C12orf42: variants seen among roughly 807,000 people sequenced by gnomAD.
C12orf42 encodes chromosome 12 open reading frame 42.
C12orf42 carries 25 observed loss-of-function variants against 21.6 expected under a neutral mutation model. The observed-to-expected ratio is 1.16, with a 90% CI of 0.84 to 1.62. The LOEUF is 1.62. Ranked by LOEUF, C12orf42 falls within the 40% of genes most tolerant of loss-of-function variation. C12orf42 has a pLI of 0.00. For missense variants in C12orf42, 483 were observed against 459.3 expected, an observed-to-expected ratio of 1.05 and a Z score of -0.47; for synonymous variants, 174 against 175.0, an observed-to-expected ratio of 0.99 and a Z score of 0.05.
intron 2 of C12orf42, among the ~76,000 whole-genome samples, chr12:103,407,700 T>G (rs1011960892): frequency 6.6e-6 from 1 of 152,162 alleles, no homozygotes; most frequent in Non-Finnish European, 1.5e-5. Flanking sequence ...CATGGATTTC[T>G]TATTGCACAG....
the C12orf42 span, among the ~76,000 whole-genome samples, chr12:103,054,769 A>G: frequency 6.6e-6 from 1 of 151,830 alleles, no homozygotes; most frequent in African/African-American, 2.4e-5. Context: ...TATCTTTCTG[A>G]GAGTTTTTAT....
the C12orf42 span, among the ~76,000 whole-genome samples, chr12:103,166,457 T>A: frequency 2.0e-5 from 3 of 152,216 alleles, no homozygotes; most frequent in East Asian, 5.8e-4. Context: ...TCAAAACAAG[T>A]TAATGATGTA....
At chr12:103,554,459 G>A in the C12orf42 span, among the ~76,000 whole-genome samples, 15 of 152,246 alleles carry the variant, frequency 9.9e-5, no homozygotes, top group African/African-American at 3.6e-4. Context: ...CTCCCAGTTT[G>A]AGTTCTCCAG....
chr12:103,281,201 G>A (rs2036091625), intron 4 of C12orf42, among the ~76,000 whole-genome samples: 1 of 152,228 alleles, frequency 6.6e-6, no homozygotes, highest in Non-Finnish European at 1.5e-5. Context: ...TATTTGGGAA[G>A]AGAATTGAGA....
chr12:103,301,843 G>C, downstream of C12orf42: 1 of 382,026 alleles, frequency 2.6e-6, no homozygotes, highest in African/African-American at 2.1e-5. Flanking sequence ...AGTGGCACGC[G>C]ATGTACCCCA....
At chr12:103,194,194 A>C in the C12orf42 span, among the ~76,000 whole-genome samples, 1 of 152,124 alleles carries the variant, frequency 6.6e-6, no homozygotes, top group Non-Finnish European at 1.5e-5. Flanking sequence ...TAAAGGCTAT[A>C]TATGAAAAAC....
chr12:103,229,019 G>T, the C12orf42 span, among the ~76,000 whole-genome samples: 49 of 152,026 alleles, frequency 3.2e-4, no homozygotes, highest in South Asian at 6.2e-4. Flanking sequence ...TCTTTATTCA[G>T]TCATTCACAT....
chr12:103,511,851 G>C, the C12orf42 span, among the ~76,000 whole-genome samples: 1 of 152,040 alleles, frequency 6.6e-6, no homozygotes, highest in Non-Finnish European at 1.5e-5. Flanking sequence ...ACGTAATTTT[G>C]ACTTTTTTCT....
chr12:103,167,354 G>A, the C12orf42 span, among the ~76,000 whole-genome samples: 6 of 152,182 alleles, frequency 3.9e-5, no homozygotes, highest in South Asian at 8.3e-4. Context: ...TAGGGTTCCC[G>A]GAGATTTACT....
the C12orf42 span, among the ~76,000 whole-genome samples, chr12:103,547,607 G>A: frequency 6.6e-6 from 1 of 152,200 alleles, no homozygotes; most frequent in Non-Finnish European, 1.5e-5. Flanking sequence ...AAGCTAGACA[G>A]GGGGAAAGAT....
downstream of C12orf42, chr12:103,268,049 T>C (rs2035257848): frequency 6.6e-6 from 1 of 152,174 alleles, no homozygotes. Context: ...ACCTTCCTCT[T>C]TGTTTTTACA....
the C12orf42 span, among the ~76,000 whole-genome samples, chr12:103,514,028 T>G: frequency 1.3e-5 from 2 of 152,158 alleles, no homozygotes; most frequent in African/African-American, 4.8e-5. Context: ...TGACTCATAG[T>G]TCAGCTTAGC....
chr12:103,214,159 C>G, the C12orf42 span, among the ~76,000 whole-genome samples: 4 of 152,278 alleles, frequency 2.6e-5, no homozygotes, highest in Admixed American at 2.0e-4. Flanking sequence ...GAACAAGGAG[C>G]CTGTTCTCTG....
chr12:103,388,460 ACT>A (rs142432765), intron 3 of C12orf42, among the ~76,000 whole-genome samples: 9,974 of 151,722 alleles, frequency 0.066, 461 homozygotes, highest in Non-Finnish European at 0.1. Flanking sequence ...TGTCAAGTAC[ACT>A]CTCTTTCTCT....
At chr12:103,560,394 A>AAGTGGGGCACACATGGGG in the C12orf42 span, among the ~76,000 whole-genome samples, 1 of 152,272 alleles carries the variant, frequency 6.6e-6, no homozygotes, top group African/African-American at 2.4e-5. Context: ...CACATGGGCC[A>AAGTGGGGCACACATGGGG]CATCCATTGA....
chr12:103,457,348 T>C (rs191832451), intron 2 of C12orf42, among the ~76,000 whole-genome samples: 1 of 152,290 alleles, frequency 6.6e-6, no homozygotes, highest in Admixed American at 6.5e-5. Flanking sequence ...GGGTATACAC[T>C]GTGTTTCTCT....
the C12orf42 span, among the ~76,000 whole-genome samples, chr12:103,554,960 G>C: frequency 2.0e-5 from 3 of 152,116 alleles, no homozygotes; most frequent in African/African-American, 7.2e-5. Context: ...TCTGGGAAGT[G>C]AGCCTGGGAA....
chr12:103,233,978 A>G (rs1271580086), downstream of C12orf42, among the ~76,000 whole-genome samples: 1 of 152,184 alleles, frequency 6.6e-6, no homozygotes, highest in Non-Finnish European at 1.5e-5. Context: ...CTCTCTATTT[A>G]TATTCTCACA....
At chr12:103,108,212 A>G in the C12orf42 span, among the ~76,000 whole-genome samples, 1 of 151,778 alleles carries the variant, frequency 6.6e-6, no homozygotes, top group African/African-American at 2.4e-5. Context: ...AGGCCACTAT[A>G]ATTTTACTAG....
Sources: allele counts gnomAD v4.1 joint callset (sites outside exome capture counted in the v4.1 genomes callset), GRCh38; gene constraint gnomAD v4.1.1; transcripts MANE v1.5; gene names NCBI Gene and HGNC (gene_info 2026-07-23, HGNC 2026-07-21).